Variants in JMJD1C observed in about 807,000 individuals in gnomAD.
The protein encoded by JMJD1C is jumonji domain containing 1C, also known as jumonji domain-containing protein 1C.
In JMJD1C, 31 loss-of-function variants were observed where a neutral mutation model predicts 245.3. The ratio of observed to expected loss-of-function variants is 0.13; its 90% CI spans 0.09 to 0.17. The LOEUF (loss-of-function observed/expected upper bound fraction) is 0.17, where lower values mean the gene tolerates loss of function less well. Ranked by LOEUF, JMJD1C falls within the 10% of genes least tolerant of loss-of-function variation. JMJD1C has a pLI of 1.00. For missense variants in JMJD1C, 2,691 were observed against 3,000.2 expected (o/e 0.90, Z 2.41); for synonymous variants, 1,057 against 1,017.4 (o/e 1.04, Z -0.74).
intron 3 of JMJD1C, among the ~76,000 whole-genome samples, chr10:63,233,968 CAGT>C: frequency 6.6e-6 from 1 of 152,000 alleles, no homozygotes; most frequent in Non-Finnish European, 1.5e-5. Flanking sequence ...AATTTATTCA[CAGT>C]AATACTAATT....
chr10:63,378,820 T>A (rs927764626), intron 2 of JMJD1C, among the ~76,000 whole-genome samples: 6 of 152,142 alleles, frequency 3.9e-5, no homozygotes, highest in Non-Finnish European at 7.4e-5. Context: ...TCTATAAAAG[T>A]TTAAAATGGT....
intron 3 of JMJD1C, among the ~76,000 whole-genome samples, chr10:63,220,689 T>C (rs1411435229): frequency 6.6e-6 from 1 of 152,166 alleles, no homozygotes; most frequent in Non-Finnish European, 1.5e-5. Context: ...GACTCTGATA[T>C]TCTGTTCTCT....
chr10:63,452,070 CA>C (rs542993711), intron 1 of JMJD1C, among the ~76,000 whole-genome samples: 84 of 152,156 alleles, frequency 5.5e-4, no homozygotes, highest in African/African-American at 1.9e-3. Context: ...GCACCAACAA[CA>C]AAATAAAAGA....
upstream of JMJD1C, among the ~76,000 whole-genome samples, chr10:63,469,784 T>C (rs1350517173): frequency 2.0e-5 from 3 of 152,186 alleles, no homozygotes; most frequent in Non-Finnish European, 4.4e-5. Context: ...TTAGATTATA[T>C]ATATAGATAG....
At chr10:63,351,499 A>ATTTCATT (rs778949307) in intron 2 of JMJD1C, among the ~76,000 whole-genome samples, 24 of 152,170 alleles carry the variant, frequency 1.6e-4, no homozygotes, top group Non-Finnish European at 3.2e-4. Context: ...GACAACATTA[A>ATTTCATT]TTTCATTTAC....
chr10:63,213,930 C>G lies in JMJD1C; in HGVS notation c.2237G>C (p.Arg746Thr). Residue 746 changes from arginine to threonine, a missense_variant, in exon 8 of 26, where the codon AGA becomes ACA. Around this residue, in one of 9 missense-constraint regions of JMJD1C, gnomAD observed 1,562 missense variants for 1,490.7 expected, o/e 1.05. Transcript: ENST00000399262. The stretch of plus-strand genomic sequence containing the variant: ...ATGGGTACCTGGATTTAAACAGGTT[C>G]TATGAGATGAGGAGTGAAGAGGAAA... ...HPFPLHSSSH[R>T]TCLNPGTHHP... is the part of the protein sequence containing the mutation. The G allele has an allele frequency of 6.2e-7, 1 of 1,614,024 alleles. No individual in the cohort carries two copies. The highest frequency in any genetic ancestry group is 8.5e-7 in the Non-Finnish European group (1 of 1,179,976).
chr10:63,221,771 G>C (rs1003814689), intron 3 of JMJD1C, among the ~76,000 whole-genome samples: 4 of 152,202 alleles, frequency 2.6e-5, no homozygotes, highest in South Asian at 4.1e-4. Flanking sequence ...GCCCAGGCTG[G>C]AGTGCAATGG....
At chr10:63,260,679 T>A (rs1405723462) in intron 3 of JMJD1C, among the ~76,000 whole-genome samples, 1 of 152,018 alleles carries the variant, frequency 6.6e-6, no homozygotes, top group Non-Finnish European at 1.5e-5. Flanking sequence ...AACCTCTGCC[T>A]CCCAGGTTCA....
intron 1 of JMJD1C, among the ~76,000 whole-genome samples, chr10:63,490,554 T>C (rs1054998671): frequency 2.6e-5 from 4 of 152,022 alleles, no homozygotes; most frequent in African/African-American, 9.7e-5. Context: ...TAGCTGGGAC[T>C]ACAGATACGC....
intron 1 of JMJD1C, among the ~76,000 whole-genome samples, chr10:63,494,308 T>C (rs1166872542): frequency 6.7e-6 from 1 of 148,502 alleles, no homozygotes; most frequent in African/African-American, 2.5e-5. Flanking sequence ...CGAAACTCCG[T>C]CTCAAAAAAA....
At chr10:63,275,387 G>C (rs1856684127) in intron 2 of JMJD1C, among the ~76,000 whole-genome samples, 2 of 152,110 alleles carry the variant, frequency 1.3e-5, no homozygotes, top group African/African-American at 4.8e-5. Context: ...AAAGTACAAA[G>C]GAAAAGAAGT....
At chr10:63,455,617 GAA>G (rs1589781789) in intron 1 of JMJD1C, among the ~76,000 whole-genome samples, 1 of 151,676 alleles carries the variant, frequency 6.6e-6, no homozygotes, top group African/African-American at 2.4e-5. Flanking sequence ...TTTTTTTCAA[GAA>G]AAGTTTCTCT....
At chr10:63,439,929 G>T (rs750675805) in intron 1 of JMJD1C, among the ~76,000 whole-genome samples, 1 of 152,118 alleles carries the variant, frequency 6.6e-6, no homozygotes, top group Non-Finnish European at 1.5e-5. Context: ...AGAACAGTGC[G>T]TATGCAGCAA....
chr10:63,180,485 G>A (rs906573735), intron 22 of JMJD1C, among the ~76,000 whole-genome samples: 11 of 152,170 alleles, frequency 7.2e-5, no homozygotes, highest in Non-Finnish European at 1.5e-4. Flanking sequence ...ACAGAGACAG[G>A]TTAAGTCCTC....
At chr10:63,189,039 T>C in intron 18 of JMJD1C, 129 bp downstream of exon 18, 1 of 719,654 alleles carries the variant, frequency 1.4e-6, no homozygotes, top group Non-Finnish European at 2.1e-6. Context: ...TACTTTTATA[T>C]CTTATTGTCC....
chr10:63,213,517 C>G lies in JMJD1C; in HGVS notation c.2650G>C (p.Val884Leu), dbSNP rs769022085. ...SGLGLPSSKWVHPENAVNAEA... is the reference protein window; with the variant it reads ...SGLGLPSSKWLHPENAVNAEA... The stretch of plus-strand genomic sequence containing the variant: ...GCATTAACTGCATTTTCTGGGTGAA[C>G]CCACTTAGAAGAAGGCAAACCAAGT... Residue 884 changes from valine to leucine, a missense_variant, in exon 8 of 26, where the codon GTT becomes CTT. Around this residue, in one of 9 missense-constraint regions of JMJD1C, gnomAD observed 1,562 missense variants for 1,490.7 expected, o/e 1.05. Transcript: ENST00000399262. The G allele has an allele frequency of 1.4e-5, 22 of 1,606,080 alleles. No homozygotes were observed. The highest frequency in any genetic ancestry group is 1.8e-5 in the Non-Finnish European group (21 of 1,173,312).
chr10:63,262,525 G>C (rs111627050), intron 3 of JMJD1C, among the ~76,000 whole-genome samples: 8 of 152,006 alleles, frequency 5.3e-5, no homozygotes, highest in African/African-American at 1.5e-4. Context: ...TCTAAAATTC[G>C]TAAGAAATTC....
chr10:63,223,457 G>A (rs1848871148), intron 3 of JMJD1C, among the ~76,000 whole-genome samples: 1 of 151,386 alleles, frequency 6.6e-6, no homozygotes, highest in Non-Finnish European at 1.5e-5. Flanking sequence ...CAAACTCCTG[G>A]ACTCAAGCGA....
intron 1 of JMJD1C, among the ~76,000 whole-genome samples, chr10:63,461,180 A>G (rs1475971571): frequency 6.6e-6 from 1 of 152,328 alleles, no homozygotes; most frequent in Non-Finnish European, 1.5e-5. Flanking sequence ...AGCAATAGCA[A>G]TAACAAATTC....
Sources: gnomAD v4.1 joint callset for allele counts (sites outside exome capture counted in the v4.1 genomes callset) on GRCh38, gnomAD v4.1.1 for gene constraint, gnomAD v4.1.1 regional missense constraint, MANE v1.5 for transcripts, NCBI Gene and HGNC (gene_info 2026-07-23, HGNC 2026-07-21) for gene names.